Variants in EYS observed in about 807,000 individuals in gnomAD.
The protein encoded by EYS is protein eyes shut homolog.
A neutral mutation model predicts 282.1 loss-of-function variants in EYS; 250 were observed. The ratio of observed to expected loss-of-function variants is 0.89; its 90% CI spans 0.80 to 0.98. EYS has a LOEUF of 0.98. EYS is among the 50% of genes least tolerant of loss of function. The pLI, the probability that EYS is intolerant of heterozygous loss-of-function variation, is 0.00. For missense variants in EYS, 4,016 were observed against 3,709.0 expected (o/e 1.08, Z -2.15); for synonymous variants, 1,355 against 1,282.9 (o/e 1.06, Z -1.20).
intron 12 of EYS, among the ~76,000 whole-genome samples, chr6:65,260,338 A>G (rs1476045965): frequency 2.0e-5 from 3 of 152,108 alleles, no homozygotes; most frequent in South Asian, 2.1e-4. Context: ...GCTTAACCAT[A>G]TCACTCAATT....
At chr6:64,394,510 G>C (rs1392962059) in intron 28 of EYS, among the ~76,000 whole-genome samples, 5 of 152,052 alleles carry the variant, frequency 3.3e-5, no homozygotes, top group Admixed American at 6.6e-5. Flanking sequence ...TGACAAACCT[G>C]ACAAAAACAA....
chr6:64,594,593 A>G (rs1156869741), intron 24 of EYS, among the ~76,000 whole-genome samples: 1 of 151,438 alleles, frequency 6.6e-6, no homozygotes, highest in Non-Finnish European at 1.5e-5. Context: ...TCGCAAGGAC[A>G]AAAAACCAAA....
intron 42 of EYS, among the ~76,000 whole-genome samples, chr6:63,724,090 T>A (rs115614591): frequency 0.012 from 1,804 of 152,228 alleles, 30 homozygotes; most frequent in African/African-American, 0.042. Context: ...TACAGGCATA[T>A]GCCACTGCAC....
chr6:63,947,892 G>A (rs977274358), intron 35 of EYS, among the ~76,000 whole-genome samples: 6 of 152,134 alleles, frequency 3.9e-5, no homozygotes, highest in African/African-American at 1.4e-4. Flanking sequence ...ATGACATAAC[G>A]TTATTCATTA....
At chr6:65,344,209 A>G (rs1307864231) in intron 9 of EYS, 32 bp from the exon 10 acceptor site, 1 of 1,507,908 alleles carries the variant, frequency 6.6e-7, no homozygotes, top group South Asian at 1.1e-5. Context: ...AAATTAAATA[A>G]ACTCTTACAA....
chr6:64,382,236 T>C (rs1772769540), intron 29 of EYS, among the ~76,000 whole-genome samples: 2 of 152,160 alleles, frequency 1.3e-5, no homozygotes, highest in Admixed American at 1.3e-4. Context: ...GTTCTGGACC[T>C]TCCTATCTCA....
chr6:65,183,466 T>C (rs1475816573), intron 12 of EYS, among the ~76,000 whole-genome samples: 1 of 151,912 alleles, frequency 6.6e-6, no homozygotes, highest in East Asian at 1.9e-4. Flanking sequence ...TTAAATTTTA[T>C]ATGGAATTTT....
chr6:64,449,221 G>T (rs1000387176), intron 26 of EYS, among the ~76,000 whole-genome samples: 5 of 152,116 alleles, frequency 3.3e-5, no homozygotes, highest in African/African-American at 9.7e-5. Flanking sequence ...ACAAGCCTCA[G>T]TAACCAATGC....
chr6:64,217,873 C>T (rs561843243), intron 31 of EYS, among the ~76,000 whole-genome samples: 10 of 152,212 alleles, frequency 6.6e-5, no homozygotes, highest in African/African-American at 2.2e-4. Flanking sequence ...TATCCTACCC[C>T]CACCACAAAC....
At chr6:63,763,166 A>G in intron 40 of EYS, among the ~76,000 whole-genome samples, 1 of 152,056 alleles carries the variant, frequency 6.6e-6, no homozygotes. Flanking sequence ...GGACATATAA[A>G]AATGAATCTT....
Position 65,529,074 on chromosome 6 carries a change from G to A in EYS, c.-332-33081C>T, listed in dbSNP as rs117358421. ...GTTCTCTAGAAGATCAAAATTAACCGCCATCTTGAAGTGGATATTATGACT... is the reference window on the plus strand; with the variant it reads ...GTTCTCTAGAAGATCAAAATTAACCACCATCTTGAAGTGGATATTATGACT... On this transcript the variant is annotated intron_variant, in intron 2 of 42. Transcript: ENST00000503581. Among the ~76,000 whole-genome samples, 19 of 151,910 alleles carry A rather than the reference G, an allele frequency of 1.3e-4. No homozygotes were observed. The East Asian group carries it at 2.9e-3, about 23-fold the overall frequency.
At chr6:65,639,917 T>G (rs540948066) in intron 1 of EYS, 25 bp from the exon 2 acceptor site, 11 of 152,100 alleles carry the variant, frequency 7.2e-5, no homozygotes. Flanking sequence ...ATAAGAAAAA[T>G]TATTTTATCT....
intron 26 of EYS, among the ~76,000 whole-genome samples, chr6:64,574,156 C>T (rs772175704): frequency 6.6e-6 from 1 of 152,132 alleles, no homozygotes; most frequent in African/African-American, 2.4e-5. Flanking sequence ...AACCATCATT[C>T]TCAGCAAACT....
chr6:63,852,156 CAAAAAAAAAA>C (rs67772165), intron 36 of EYS, among the ~76,000 whole-genome samples: 3 of 54,984 alleles, frequency 5.5e-5, no homozygotes, highest in Non-Finnish European at 8.8e-5. Context: ...GACTCTGTCT[CAAAAAAAAAA>C]AAAAAAAAAA....
chr6:64,005,733 C>T (rs183520858), intron 33 of EYS, among the ~76,000 whole-genome samples: 41 of 152,186 alleles, frequency 2.7e-4, no homozygotes, highest in African/African-American at 9.1e-4. Flanking sequence ...GGAGTCCTTT[C>T]CCATTGCTTT....
In EYS at chr6:65,207,951, C is replaced by T. The variant is rs145888760; in HGVS notation, c.2023+87912G>A. On this transcript the variant is annotated intron_variant, in intron 12 of 42. Coordinates refer to ENST00000503581, the MANE Select transcript of EYS (RefSeq NM_001142800.2). ...GAAAACCTAGGAAAACCACATTGGC[C>T]TAAGCAAAGACTTTATGACTACTAC... Among the ~76,000 whole-genome samples, 977 of 151,638 alleles carry T rather than the reference C, an allele frequency of 6.4e-3. 6 individuals carry two copies. Among genetic ancestry groups the T allele is most frequent in the African/African-American group, 0.022 (911 of 41,466 alleles).
chr6:63,973,836 T>TTAAG (rs1458836927), intron 35 of EYS, among the ~76,000 whole-genome samples: 1 of 152,134 alleles, frequency 6.6e-6, no homozygotes, highest in Non-Finnish European at 1.5e-5. Context: ...TTACCAAGTG[T>TTAAG]TAAGTTTTGG....
chr6:64,929,976 G>T (rs1027331666), intron 15 of EYS, among the ~76,000 whole-genome samples: 8 of 152,074 alleles, frequency 5.3e-5, no homozygotes, highest in African/African-American at 1.9e-4. Context: ...AATAAAATCT[G>T]ACTAAGAGAT....
intron 12 of EYS, among the ~76,000 whole-genome samples, chr6:65,289,270 C>T (rs543030113): frequency 1.3e-5 from 2 of 150,800 alleles, no homozygotes; most frequent in Admixed American, 6.6e-5. Flanking sequence ...CTACTTGAAA[C>T]TTATTAAAAC....
Sources: allele counts gnomAD v4.1 joint callset (sites outside exome capture counted in the v4.1 genomes callset), GRCh38; gene constraint gnomAD v4.1.1; transcripts MANE v1.5; gene names NCBI Gene and HGNC (gene_info 2026-07-23, HGNC 2026-07-21).